Variants in PCDH15 observed in about 807,000 individuals in gnomAD.
The protein encoded by PCDH15 is protocadherin related 15.
A neutral mutation model predicts 178.5 loss-of-function variants in PCDH15; 129 were observed. That is an observed-to-expected ratio of 0.72 (90% CI 0.63 to 0.84). The LOEUF (loss-of-function observed/expected upper bound fraction) is 0.84. Ranked by LOEUF, PCDH15 falls within the 40% of genes least tolerant of loss-of-function variation. The pLI is 0.00. For missense variants in PCDH15, 2,230 were observed against 2,099.9 expected, an observed-to-expected ratio of 1.06 and a Z score of -1.21; for synonymous variants, 800 against 732.0, an observed-to-expected ratio of 1.09 and a Z score of -1.50.
At chr10:53,975,634 T>C (rs1474429400) in intron 21 of PCDH15, among the ~76,000 whole-genome samples, 1 of 152,142 alleles carries the variant, frequency 6.6e-6, no homozygotes, top group Non-Finnish European at 1.5e-5. Flanking sequence ...TGTTTTTTGC[T>C]TGTCGAATTA....
At chr10:54,960,058 T>C (rs544821622) in intron 2 of PCDH15, among the ~76,000 whole-genome samples, 2 of 152,178 alleles carry the variant, frequency 1.3e-5, no homozygotes, top group Non-Finnish European at 2.9e-5. Context: ...TCCAGTCTTA[T>C]GACCTTTATT....
At chr10:54,739,398 A>T (rs1638267700) in intron 1 of PCDH15, among the ~76,000 whole-genome samples, 1 of 152,016 alleles carries the variant, frequency 6.6e-6, no homozygotes, top group Non-Finnish European at 1.5e-5. Flanking sequence ...GGAAAACTGG[A>T]AAAGATTGAT....
chr10:54,687,938 A>C (rs993692982), intron 1 of PCDH15, among the ~76,000 whole-genome samples: 1 of 152,128 alleles, frequency 6.6e-6, no homozygotes, highest in African/African-American at 2.4e-5. Context: ...AAGCCAGGTA[A>C]AAAAGCCCTA....
intron 1 of PCDH15, among the ~76,000 whole-genome samples, chr10:54,714,023 T>C (rs955309884): frequency 2.0e-5 from 3 of 152,180 alleles, no homozygotes; most frequent in African/African-American, 7.2e-5. Context: ...CTCTGACTGA[T>C]GCTACTTCAC....
chr10:54,413,884 G>A lies in PCDH15; in HGVS notation c.158-34942C>T, dbSNP rs574930078. On this transcript the variant is annotated intron_variant, in intron 3 of 37. Transcript: ENST00000644397. ...GACTTAGAAGAATGGGAGGGTGGGA[G>A]GAGGGTACTGGATGAGAGACTGCTT... Among the ~76,000 whole-genome samples the A allele has an allele frequency of 3.3e-5, 5 of 152,170 alleles. No homozygotes were observed. In the East Asian group the frequency reaches 7.8e-4, roughly 24 times the overall value.
intron 2 of PCDH15, among the ~76,000 whole-genome samples, chr10:55,019,746 T>A (rs2131952987): frequency 6.6e-6 from 1 of 152,304 alleles, no homozygotes; most frequent in African/African-American, 2.4e-5. Flanking sequence ...CCTTCGGAGT[T>A]CTTGGCACTT....
intron 3 of PCDH15, among the ~76,000 whole-genome samples, chr10:54,865,576 C>T (rs1248366284): frequency 6.6e-6 from 1 of 152,024 alleles, no homozygotes; most frequent in Non-Finnish European, 1.5e-5. Flanking sequence ...GAAAACCACC[C>T]CCGGGATCCA....
chr10:55,117,583 C>A (rs1474994030), intron 2 of PCDH15, among the ~76,000 whole-genome samples: 1 of 152,074 alleles, frequency 6.6e-6, no homozygotes, highest in Non-Finnish European at 1.5e-5. Flanking sequence ...AACCGTGATG[C>A]CCAGAGAGAA....
rs151271063 is a variant in PCDH15 at position 54,396,585 on chromosome 10, A to T, written c.158-17643T>A. Among the ~76,000 whole-genome samples, 743 of 151,792 alleles carry T rather than the reference A, an allele frequency of 4.9e-3. 8 individuals carry two copies. Among genetic ancestry groups the T allele is most frequent in the African/African-American group, 0.017 (689 of 41,388 alleles). On this transcript the variant is annotated intron_variant, in intron 3 of 37. Transcript: ENST00000644397. ...ACTCACATTTCATTCTCTTTCCAAC[A>T]CTCTTCTTTTGATACACTTTAATTA...
At chr10:53,973,517 T>C in intron 21 of PCDH15, among the ~76,000 whole-genome samples, 1 of 152,344 alleles carries the variant, frequency 6.6e-6, no homozygotes, top group East Asian at 1.9e-4. Flanking sequence ...CTATATCATT[T>C]TGAAATTGTG....
intron 6 of PCDH15, among the ~76,000 whole-genome samples, chr10:54,334,405 C>T (rs373647937): frequency 6.6e-5 from 10 of 152,248 alleles, no homozygotes; most frequent in African/African-American, 2.2e-4. Context: ...TCCATCCCCC[C>T]AGAATCCCCT....
intron 1 of PCDH15, among the ~76,000 whole-genome samples, chr10:54,678,942 G>A (rs533271161): frequency 5.8e-4 from 88 of 152,218 alleles, no homozygotes; most frequent in African/African-American, 2.1e-3. Context: ...TGTAATCCCA[G>A]CACTTTGGGA....
At chr10:55,265,805 C>T (rs1592034135) in intron 1 of PCDH15, among the ~76,000 whole-genome samples, 3 of 152,244 alleles carry the variant, frequency 2.0e-5, no homozygotes, top group East Asian at 3.9e-4. Context: ...CTAAAGGATA[C>T]ATGCATTACT....
In PCDH15 at chr10:53,940,969, A is replaced by T. The variant is rs1203400741; in HGVS notation, c.3129T>A (p.Pro1043=). ...PRFTQEEYRP[P]PVSELATKGT... ...CTTTGGTGGCAAGTTCACTTACTGG[A>T]GGAGGTCTGCAGGTTTAGAGAAGAT... is the stretch of plus-strand genomic sequence containing the variant. Residue 1043 remains proline, a synonymous_variant, in exon 24 of 38, where the codon CCT becomes CCA. Coordinates refer to ENST00000644397, the MANE Select transcript of PCDH15 (RefSeq NM_001384140.1). 1 of 1,605,998 alleles carries T rather than the reference A, an allele frequency of 6.2e-7. No individual in the cohort carries two copies. The highest frequency in any genetic ancestry group is 1.7e-5 in the Admixed American group (1 of 59,990).
At chr10:54,854,074 C>G (rs1198228426) in intron 3 of PCDH15, among the ~76,000 whole-genome samples, 1 of 152,176 alleles carries the variant, frequency 6.6e-6, no homozygotes, top group Non-Finnish European at 1.5e-5. Flanking sequence ...TGGGATCTGG[C>G]CACTGCACAC....
intron 9 of PCDH15, among the ~76,000 whole-genome samples, chr10:54,235,289 T>C (rs1053731951): frequency 1.3e-5 from 2 of 152,194 alleles, no homozygotes; most frequent in Non-Finnish European, 2.9e-5. Flanking sequence ...TTATTGCCTA[T>C]CTCTTCTGCC....
At chr10:55,046,792 CT>C (rs1298757483) in intron 2 of PCDH15, among the ~76,000 whole-genome samples, 1 of 151,880 alleles carries the variant, frequency 6.6e-6, no homozygotes, top group Non-Finnish European at 1.5e-5. Flanking sequence ...ATTATGGCAT[CT>C]CTTTCACACA....
At chr10:55,600,509 G>A (rs1480758259) in intron 2 of PCDH15, among the ~76,000 whole-genome samples, 2 of 152,156 alleles carry the variant, frequency 1.3e-5, no homozygotes, top group Admixed American at 1.3e-4. Context: ...AGGGTTAAGA[G>A]TGCAATCCTA....
intron 23 of PCDH15, among the ~76,000 whole-genome samples, chr10:53,944,102 ATAAAT>A (rs934331537): frequency 7.2e-5 from 11 of 152,152 alleles, no homozygotes; most frequent in African/African-American, 2.2e-4. Context: ...TGGGCTGAAT[ATAAAT>A]TAATAGGGAG....
Sources: gnomAD v4.1 joint callset for allele counts (sites outside exome capture counted in the v4.1 genomes callset) on GRCh38, gnomAD v4.1.1 for gene constraint, MANE v1.5 for transcripts, NCBI Gene and HGNC (gene_info 2026-07-23, HGNC 2026-07-21) for gene names.